Variants in TIAM1 observed in about 807,000 individuals in gnomAD.
The protein encoded by TIAM1 is TIAM Rac1 associated GEF 1, also known as rho guanine nucleotide exchange factor TIAM1.
In TIAM1, 65 loss-of-function variants were observed where a neutral mutation model predicts 163.5. That is an observed-to-expected ratio of 0.40 (90% CI 0.33 to 0.49). TIAM1 has a LOEUF of 0.49. TIAM1 is among the 20% of genes least tolerant of loss of function. TIAM1 has a pLI of 0.77. For synonymous variants in TIAM1, 833 were observed against 810.1 expected (o/e 1.03, Z -0.48); for missense variants, 1,789 against 2,044.7 (o/e 0.87, Z 2.41).
At chr21:31,310,500 G>A (rs970736671) in intron 2 of TIAM1, among the ~76,000 whole-genome samples, 7 of 152,122 alleles carry the variant, frequency 4.6e-5, no homozygotes, top group African/African-American at 1.2e-4. Flanking sequence ...TTGGGTTAAC[G>A]AACTTCTGTG....
chr21:31,293,687 G>C (rs909524274), intron 2 of TIAM1, among the ~76,000 whole-genome samples: 5 of 152,224 alleles, frequency 3.3e-5, no homozygotes, highest in Non-Finnish European at 7.3e-5. Flanking sequence ...CACAGTCTCC[G>C]GGGCATGAAG....
intron 1 of TIAM1, among the ~76,000 whole-genome samples, chr21:31,548,574 T>C (rs1019894455): frequency 1.7e-5 from 2 of 115,720 alleles, no homozygotes; most frequent in African/African-American, 8.5e-5. Flanking sequence ...CTGCAAACTC[T>C]GCTCCTGGGC....
intron 1 of TIAM1, among the ~76,000 whole-genome samples, chr21:31,538,244 T>A (rs1315897560): frequency 6.6e-6 from 1 of 152,178 alleles, no homozygotes; most frequent in African/African-American, 2.4e-5. Context: ...AATAATTTTT[T>A]AATTAAATAC....
chr21:31,277,907 A>G (rs1391324567), intron 2 of TIAM1, among the ~76,000 whole-genome samples: 2 of 152,242 alleles, frequency 1.3e-5, no homozygotes, highest in African/African-American at 4.8e-5. Flanking sequence ...GACAGGCTTA[A>G]ATCAGATAAA....
At position 31,124,564 on chromosome 21, in the gene TIAM1, A is replaced by T; in HGVS notation, c.4264T>A (p.Leu1422Met). 4 of 1,613,742 alleles carry T rather than the reference A, an allele frequency of 2.5e-6. No homozygotes were observed. Among genetic ancestry groups the T allele is most frequent in the Non-Finnish European group, 3.4e-6 (4 of 1,179,950 alleles). ...QQYVPFGGKR[L>M]CALKGARPAM... ...GGCCTGGCCCCCTTCAGTGCACACA[A>T]TCTTTTGCCTCCAAAAGGGACATAT... Residue 1422 changes from leucine to methionine, a missense_variant, in exon 27 of 28, where the codon TTG becomes ATG. Leu to Met is a conservative substitution (Grantham distance 15). Around this residue, in one of 5 missense-constraint regions of TIAM1, gnomAD observed 415 missense variants for 439.2 expected, o/e 0.94. Transcript: ENST00000541036.
intron 6 of TIAM1, among the ~76,000 whole-genome samples, chr21:31,239,469 T>A (rs993011023): frequency 2.0e-5 from 3 of 152,102 alleles, no homozygotes; most frequent in African/African-American, 2.4e-5. Context: ...AAAATTTTCA[T>A]GACATTATAG....
chr21:31,389,597 C>T (rs960930195), intron 2 of TIAM1, among the ~76,000 whole-genome samples: 38 of 152,342 alleles, frequency 2.5e-4, no homozygotes. Context: ...CCACATGCTA[C>T]AACACACTAG....
chr21:31,230,027 G>A (rs924017503), intron 6 of TIAM1, among the ~76,000 whole-genome samples: 1 of 152,184 alleles, frequency 6.6e-6, no homozygotes, highest in Non-Finnish European at 1.5e-5. Flanking sequence ...CAGCACTAAG[G>A]AGAGGCTATG....
intron 1 of TIAM1, among the ~76,000 whole-genome samples, chr21:31,533,225 G>C (rs1197402596): frequency 2.6e-5 from 4 of 152,170 alleles, no homozygotes; most frequent in African/African-American, 9.6e-5. Flanking sequence ...GGAGGCTGAG[G>C]CAGGAGAATC....
At chr21:31,290,646 C>CAAAAAAAA (rs200030849) in intron 2 of TIAM1, among the ~76,000 whole-genome samples, 1 of 63,206 alleles carries the variant, frequency 1.6e-5, no homozygotes, top group African/African-American at 6.9e-5. Context: ...GACTCTATCT[C>CAAAAAAAA]AAAAAAAAAA....
rs530741176 is a variant in TIAM1, at chr21:31,247,182, A to G, written c.1412-1522T>C. Among the ~76,000 whole-genome samples the G allele has an allele frequency of 1.4e-3, 208 of 151,818 alleles. 1 individual carries two copies. Among genetic ancestry groups the G allele is most frequent in the African/African-American group, 4.8e-3 (200 of 41,436 alleles). ...TAAAAATAAAAAAAATCAGCCAGAC[A>G]TGCCTGCGGTTCCAGCGACTCAGGT... is the stretch of plus-strand genomic sequence containing the variant. On this transcript the variant is annotated intron_variant, in intron 5 of 27. Transcript: ENST00000541036.
intron 6 of TIAM1, among the ~76,000 whole-genome samples, chr21:31,231,063 G>A (rs1001083455): frequency 1.3e-5 from 2 of 151,836 alleles, no homozygotes; most frequent in Admixed American, 6.6e-5. Context: ...AGTAAAATGT[G>A]AGTAGAAGTG....
At chr21:31,521,243 C>G (rs578026427) in intron 1 of TIAM1, among the ~76,000 whole-genome samples, 151 of 152,234 alleles carry the variant, frequency 9.9e-4, no homozygotes, top group African/African-American at 3.6e-3. Context: ...TGGAAATGAC[C>G]GGAGAGCTGG....
At chr21:31,475,303 C>G (rs1223607700) in intron 1 of TIAM1, among the ~76,000 whole-genome samples, 1 of 151,998 alleles carries the variant, frequency 6.6e-6, no homozygotes, top group Non-Finnish European at 1.5e-5. Flanking sequence ...ATCCACCCTC[C>G]TCAGCCTCCC....
At chr21:31,259,599 G>A (rs2072331607) in intron 4 of TIAM1, among the ~76,000 whole-genome samples, 1 of 150,608 alleles carries the variant, frequency 6.6e-6, no homozygotes, top group Non-Finnish European at 1.5e-5. Flanking sequence ...TCCAGCCTGG[G>A]AAACACAGCA....
At chr21:31,285,107 A>G (rs1378132643) in intron 2 of TIAM1, among the ~76,000 whole-genome samples, 27 of 152,218 alleles carry the variant, frequency 1.8e-4, no homozygotes, top group Admixed American at 1.8e-3. Flanking sequence ...AAATACAGTC[A>G]GGATATCAAG....
intron 2 of TIAM1, among the ~76,000 whole-genome samples, chr21:31,428,953 G>A (rs2043898839): frequency 6.6e-6 from 1 of 152,056 alleles, no homozygotes; most frequent in Non-Finnish European, 1.5e-5. Context: ...AAGATAACAT[G>A]CTTCATATCC....
chr21:31,318,876 T>C (rs1023367187), intron 2 of TIAM1, among the ~76,000 whole-genome samples: 1 of 152,202 alleles, frequency 6.6e-6, no homozygotes, highest in African/African-American at 2.4e-5. Flanking sequence ...TTTGTTGTTT[T>C]ATACAAAGAC....
intron 1 of TIAM1, among the ~76,000 whole-genome samples, chr21:31,512,559 G>A (rs575040049): frequency 4.0e-5 from 6 of 151,362 alleles, no homozygotes; most frequent in South Asian, 2.1e-4. Flanking sequence ...GAAAACTCCC[G>A]GGACCTTCTT....
Sources: allele counts gnomAD v4.1 joint callset (sites outside exome capture counted in the v4.1 genomes callset), GRCh38; gene constraint gnomAD v4.1.1; regional missense constraint gnomAD v4.1.1; transcripts MANE v1.5; gene names NCBI Gene and HGNC (gene_info 2026-07-23, HGNC 2026-07-21).